BIN2: variants seen among roughly 807,000 people sequenced by gnomAD.
The protein encoded by BIN2 is bridging integrator 2.
Under a neutral mutation model 67.9 loss-of-function variants are expected in BIN2, and 43 were observed. That is an observed-to-expected ratio of 0.63 (90% CI 0.50 to 0.82). The LOEUF (loss-of-function observed/expected upper bound fraction) is 0.82, where lower values mean the gene tolerates loss of function less well. BIN2 is among the 40% of genes least tolerant of loss of function. The probability of loss-of-function intolerance (pLI) is 0.00; values close to 1 mark genes in which losing one functional copy is unlikely to be tolerated. For missense variants in BIN2, 581 were observed against 671.6 expected, an observed-to-expected ratio of 0.87 and a Z score of 1.49; for synonymous variants, 244 against 246.8, an observed-to-expected ratio of 0.99 and a Z score of 0.11.
At chr12:51,321,678 C>T (rs1300065293) in intron 1 of BIN2, among the ~76,000 whole-genome samples, 1 of 152,140 alleles carries the variant, frequency 6.6e-6, no homozygotes, top group African/African-American at 2.4e-5. Context: ...GGATTACAGG[C>T]GTGAGCCACT....
At chr12:51,319,784 T>G (rs1946219767) in intron 1 of BIN2, among the ~76,000 whole-genome samples, 1 of 152,180 alleles carries the variant, frequency 6.6e-6, no homozygotes, top group Non-Finnish European at 1.5e-5. Context: ...TACATATATC[T>G]TTGGTGGCTA....
intron 9 of BIN2, 148 bp downstream of exon 9, chr12:51,295,648 T>C (rs1182503114): frequency 1.8e-5 from 4 of 223,692 alleles, no homozygotes; most frequent in Admixed American, 5.9e-5. Context: ...AAAAGCAAAA[T>C]AATTTATATA....
At chr12:51,321,402 G>C (rs1240396938) in intron 1 of BIN2, among the ~76,000 whole-genome samples, 1 of 151,250 alleles carries the variant, frequency 6.6e-6, no homozygotes, top group Non-Finnish European at 1.5e-5. Flanking sequence ...GAATCACTTT[G>C]TCTTTTTTTT....
At chr12:51,301,605 C>T (rs746077311) in intron 5 of BIN2, among the ~76,000 whole-genome samples, 1 of 152,120 alleles carries the variant, frequency 6.6e-6, no homozygotes, top group Non-Finnish European at 1.5e-5. Context: ...CCCTCCCCAG[C>T]TGAAGTGATC....
intron 2 of BIN2, among the ~76,000 whole-genome samples, chr12:51,306,668 G>A (rs867558234): frequency 1.4e-4 from 21 of 152,174 alleles, no homozygotes; most frequent in Middle Eastern, 3.2e-3. Context: ...CTACAGAGAC[G>A]TTAGAATGCA....
intron 11 of BIN2, among the ~76,000 whole-genome samples, chr12:51,285,607 T>C (rs1160163463): frequency 6.8e-6 from 1 of 147,642 alleles, no homozygotes; most frequent in Non-Finnish European, 1.5e-5. Flanking sequence ...CCAATTTCTT[T>C]TTAATTTTTT....
intron 2 of BIN2, among the ~76,000 whole-genome samples, chr12:51,311,614 C>A (rs1371120277): frequency 6.6e-6 from 1 of 152,020 alleles, no homozygotes; most frequent in Non-Finnish European, 1.5e-5. Context: ...TTCCTAGGCT[C>A]AATTGATTCT....
intron 5 of BIN2, 64 bp from the exon 6 acceptor site, chr12:51,299,778 A>T: frequency 7.5e-7 from 1 of 1,329,192 alleles, no homozygotes; most frequent in Non-Finnish European, 1.1e-6. Context: ...TGTAGGTAAC[A>T]GAATACCAAA....
Position 51,302,092 on chromosome 12 carries a change from G to A in BIN2, c.336C>T (p.Asp112=). 1 of 1,613,044 alleles carries A rather than the reference G, an allele frequency of 6.2e-7. No individual in the cohort carries two copies. The highest frequency in any genetic ancestry group is 8.5e-7 in the Non-Finnish European group (1 of 1,179,056). Residue 112 remains aspartate, a synonymous_variant, in exon 5 of 13, where the codon GAC becomes GAT. Transcript: ENST00000615107. ...CCTGGTCAGCCAGTTTCTCCTCGTAGTCTTCCCAAAGGAGATCATTATTCT... is the reference window on the plus strand; with the variant it reads ...CCTGGTCAGCCAGTTTCTCCTCGTAATCTTCCCAAAGGAGATCATTATTCT... ...IVWNNDLLWE[D]YEEKLADQAV...
Position 51,287,082 on chromosome 12 carries a change from A to G in BIN2, c.1596+1026T>C, listed in dbSNP as rs116940330. 5.3e-3 allele frequency among the ~76,000 whole-genome samples: 805 copies of G among 151,884 alleles called. 31 individuals carry two copies. The East Asian group carries it at 0.1, about 20-fold the overall frequency. On this transcript the variant is annotated intron_variant, in intron 11 of 12. Transcript: ENST00000615107. Reference sequence around the variant, plus strand: ...AGTGATCCACCTGCCTCAGCCCCCAACAAAGTGCTAGGATTACAGCCACCT... The same window carrying G: ...AGTGATCCACCTGCCTCAGCCCCCAGCAAAGTGCTAGGATTACAGCCACCT...
chr12:51,305,442 G>A (rs1945842637), intron 2 of BIN2, among the ~76,000 whole-genome samples: 1 of 152,004 alleles, frequency 6.6e-6, no homozygotes, highest in African/African-American at 2.4e-5. Context: ...TGACCAATGT[G>A]GTGAAACCCT....
intron 12 of BIN2, 74 bp downstream of exon 12, chr12:51,284,642 G>A (rs1369046738): frequency 8.4e-7 from 1 of 1,183,960 alleles, no homozygotes; most frequent in African/African-American, 1.5e-5. Context: ...TGTAGCCTGT[G>A]GTGAAGATTC....
chr12:51,324,479 AATG>A, upstream of BIN2: 1 of 1,523,398 alleles, frequency 6.6e-7, no homozygotes, highest in Non-Finnish European at 8.7e-7. Flanking sequence ...CAGGGTAGAA[AATG>A]ATGTGGGTTC....
chr12:51,302,363 G>A (rs1945748404), intron 4 of BIN2: 1 of 532,194 alleles, frequency 1.9e-6, no homozygotes, highest in Non-Finnish European at 3.4e-6. Context: ...TTGGACTCCA[G>A]AGCTTAGATG....
intron 2 of BIN2, among the ~76,000 whole-genome samples, chr12:51,311,916 C>A (rs998336145): frequency 6.6e-6 from 1 of 152,042 alleles, no homozygotes; most frequent in Non-Finnish European, 1.5e-5. Flanking sequence ...GGATTACAGG[C>A]ATGTCCTATC....
chr12:51,321,645 T>C (rs1946286733), intron 1 of BIN2, among the ~76,000 whole-genome samples: 1 of 152,162 alleles, frequency 6.6e-6, no homozygotes, highest in African/African-American at 2.4e-5. Context: ...GAGATCCACC[T>C]GCCTGGGCCT....
rs1209244992 is a variant in BIN2 at position 51,301,044 on chromosome 12, C to A, written c.408+976G>T. Among the ~76,000 whole-genome samples, 4 of 152,170 alleles carry A rather than the reference C, an allele frequency of 2.6e-5. No individual in the cohort carries two copies. The East Asian group carries it at 5.8e-4, about 22-fold the overall frequency. On this transcript the variant is annotated intron_variant, in intron 5 of 12. Coordinates refer to ENST00000615107, the MANE Select transcript of BIN2 (RefSeq NM_016293.4). Reference sequence around the variant, plus strand: ...ACCAGCCTGGACAACACAGAGAAACCCTGTCTCCACTAAAAATACAAAAAT... The same window carrying A: ...ACCAGCCTGGACAACACAGAGAAACACTGTCTCCACTAAAAATACAAAAAT...
chr12:51,317,855 G>A (rs1365781058), intron 1 of BIN2, among the ~76,000 whole-genome samples: 5 of 152,052 alleles, frequency 3.3e-5, no homozygotes, highest in Non-Finnish European at 7.4e-5. Context: ...AGGCGTGGTG[G>A]TGGGTGCCTG....
At chr12:51,282,360 G>T (rs1272813284) in intron 12 of BIN2, among the ~76,000 whole-genome samples, 1 of 152,102 alleles carries the variant, frequency 6.6e-6, no homozygotes, top group Non-Finnish European at 1.5e-5. Context: ...TAATGGAGCT[G>T]AAAAATTTCT....
Sources: gnomAD v4.1 joint callset for allele counts (sites outside exome capture counted in the v4.1 genomes callset) on GRCh38, gnomAD v4.1.1 for gene constraint, MANE v1.5 for transcripts, NCBI Gene and HGNC (gene_info 2026-07-23, HGNC 2026-07-21) for gene names.